Variants in MDN1 observed in about 807,000 individuals in gnomAD.
MDN1 encodes midasin.
In MDN1, 266 loss-of-function variants were observed where a neutral mutation model predicts 669.2. That is an observed-to-expected ratio of 0.40 (90% confidence interval 0.36 to 0.44). The LOEUF (loss-of-function observed/expected upper bound fraction) is 0.44. Among genes scored for constraint, MDN1 ranks in the 20% least tolerant of loss-of-function variants. The pLI, the probability that MDN1 is intolerant of heterozygous loss-of-function variation, is 1.00. For missense variants in MDN1, 5,940 were observed against 6,754.0 expected (o/e 0.88, Z 4.22); for synonymous variants, 2,385 against 2,457.1 (o/e 0.97, Z 0.87).
At chr6:89,807,855 C>G (rs181995364) in intron 1 of MDN1, among the ~76,000 whole-genome samples, 47 of 152,180 alleles carry the variant, frequency 3.1e-4, no homozygotes, top group Admixed American at 2.8e-3. Context: ...TCAATGAGGC[C>G]TATCCAGTAA....
intron 59 of MDN1, among the ~76,000 whole-genome samples, chr6:89,697,584 ATT>A (rs778362344): frequency 1.1e-4 from 16 of 142,368 alleles, no homozygotes; most frequent in Admixed American, 2.1e-4. Context: ...GAACAACCCT[ATT>A]TTTTTTTTTT....
intron 87 of MDN1, among the ~76,000 whole-genome samples, chr6:89,661,852 T>C (rs1449119164): frequency 6.6e-6 from 1 of 152,158 alleles, no homozygotes; most frequent in Non-Finnish European, 1.5e-5. Context: ...GGATCACAGG[T>C]TTTAGCTTCT....
rs568770733 is a variant in MDN1 at position 89,667,765 on chromosome 6, TA to T, written c.14094+248del. 5.6e-4 allele frequency among the ~76,000 whole-genome samples: 82 copies of T among 146,730 alleles called. 1 individual carries two copies. Among genetic ancestry groups the T allele is most frequent in the South Asian group, 4.7e-3 (22 of 4,686 alleles). ...AATCATCAGTAAATATCTGCCCATT[TA>T]AAAAAAAAAAGTAAAAATCATTTCC... On this transcript the variant is annotated intron_variant, in intron 84 of 101. Coordinates refer to ENST00000369393, the MANE Select transcript of MDN1 (RefSeq NM_014611.3).
At position 89,690,688 on chromosome 6, in the gene MDN1, G is replaced by A. The variant is rs1390240446; in HGVS notation, c.10734C>T (p.Phe3578=). 4.3e-6 allele frequency: 7 copies of A among 1,614,094 alleles called. No homozygotes were observed. The highest frequency in any genetic ancestry group is 5.9e-6 in the Non-Finnish European group (7 of 1,179,996). Residue 3578 remains phenylalanine, a synonymous_variant, in exon 64 of 102, where the codon TTC becomes TTT. Coordinates refer to ENST00000369393, the MANE Select transcript of MDN1 (RefSeq NM_014611.3). ...ACTGCTCTACCTTTTCATGCAGGGG[G>A]AACTGTTTTCTGAACTCCCGTTCTT... is the stretch of plus-strand genomic sequence containing the variant. ...EEEEREFRKQ[F]PLHEKDFADI... is the part of the protein sequence containing the mutation.
intron 6 of MDN1, 52 bp from the exon 7 acceptor site, chr6:89,789,963 T>C: frequency 6.3e-7 from 1 of 1,596,916 alleles, no homozygotes; most frequent in African/African-American, 1.3e-5. Flanking sequence ...GTAGTGGCAA[T>C]GCTACATCCT....
chr6:89,650,363 T>C (rs1360193774), intron 96 of MDN1, among the ~76,000 whole-genome samples, 165 bp from the exon 97 acceptor site: 2 of 152,220 alleles, frequency 1.3e-5, no homozygotes, highest in African/African-American at 4.8e-5. Flanking sequence ...CTTCTTGACC[T>C]CTAGCCAGAA....
intron 56 of MDN1, 75 bp from the exon 57 acceptor site, chr6:89,700,369 A>AGTCACATAGCAGGT: frequency 8.6e-7 from 1 of 1,156,782 alleles, no homozygotes; most frequent in Non-Finnish European, 1.3e-6. Flanking sequence ...ACAACCTGCT[A>AGTCACATAGCAGGT]TGTGACTGCA....
chr6:89,716,727 A>T lies in MDN1; in HGVS notation c.6666T>A (p.Phe2222Leu). The change falls in exon 44 of 102, where the codon TTT (phenylalanine) becomes TTA (leucine). Residue 2222 changes from phenylalanine (F) to leucine (L), a missense_variant. Physicochemically the swap from Phe to Leu is conservative, Grantham distance 22. Coordinates refer to ENST00000369393, the MANE Select transcript of MDN1 (RefSeq NM_014611.3). The part of the protein sequence containing the change: ...QLASGHSHGT[F>L]EWVDSMLVQA... Reference sequence around the variant, plus strand: ...GAACCAACATGCTGTCAACCCATTCAAATGTGCCATGGCTATGGCCACTGG... The same window carrying T: ...GAACCAACATGCTGTCAACCCATTCTAATGTGCCATGGCTATGGCCACTGG... The T allele has an allele frequency of 6.2e-7, 1 of 1,614,094 alleles. No individual in the cohort carries two copies. The highest frequency in any genetic ancestry group is 8.5e-7 in the Non-Finnish European group (1 of 1,179,952).
rs1808306401 is a variant in MDN1 at position 89,643,809 on chromosome 6, T to C, written c.*196A>G. 4.2e-6 allele frequency: 2 copies of C among 478,844 alleles called. No individual in the cohort carries two copies. Among genetic ancestry groups the C allele is most frequent in the African/African-American group, 4.0e-5 (2 of 50,422 alleles). The allele number at this position is 478,844 out of a possible 1,614,324, so 29.7% of individuals were successfully genotyped here. Reference sequence around the variant, plus strand: ...AGTTACGAGTTCAGGCACCTGCTGCTGCTTCCAGGTTTGGTATAAAAACCT... The same window carrying C: ...AGTTACGAGTTCAGGCACCTGCTGCCGCTTCCAGGTTTGGTATAAAAACCT... On this transcript the variant is annotated 3_prime_UTR_variant, in exon 102 of 102. Transcript: ENST00000369393.
At chr6:89,717,729 A>G (rs1239360320) in intron 43 of MDN1, among the ~76,000 whole-genome samples, 1 of 152,246 alleles carries the variant, frequency 6.6e-6, no homozygotes, top group Admixed American at 6.5e-5. Flanking sequence ...GCCCACCGCC[A>G]CAGATAAAAT....
chr6:89,675,369 A>G, intron 78 of MDN1, 95 bp downstream of exon 78: 3 of 991,726 alleles, frequency 3.0e-6, no homozygotes, highest in South Asian at 3.1e-5. Context: ...AATTGAGAGC[A>G]TGTCTTATTC....
chr6:89,792,477 T>C (rs1241943967), intron 5 of MDN1, among the ~76,000 whole-genome samples: 2 of 151,958 alleles, frequency 1.3e-5, no homozygotes, highest in Admixed American at 6.6e-5. Context: ...CTAAACATAA[T>C]CTAGGTTGGG....
intron 15 of MDN1, among the ~76,000 whole-genome samples, chr6:89,766,069 C>T (rs375514074): frequency 4.9e-4 from 75 of 152,220 alleles, no homozygotes; most frequent in South Asian, 2.7e-3. Flanking sequence ...CTGAGGCAGG[C>T]GAATGCCTTG....
rs1312096387 is a variant in MDN1, at chr6:89,658,650, C to T, written c.14981G>A (p.Gly4994Asp). 2 of 1,612,964 alleles carry T rather than the reference C, an allele frequency of 1.2e-6. No individual in the cohort carries two copies. The highest frequency in any genetic ancestry group is 8.5e-7 in the Non-Finnish European group (1 of 1,179,040). Residue 4994 changes from glycine to aspartate, a missense_variant, in exon 89 of 102, where the codon GGT (glycine) becomes GAT (aspartate). Gly to Asp is a moderately conservative substitution (Grantham distance 94, BLOSUM62 -1). Coordinates refer to ENST00000369393, the MANE Select transcript of MDN1 (RefSeq NM_014611.3). ...EEKDKEADEE[G>D]GENGPADQGF... Reference sequence around the variant, plus strand: ...TTGGTCAGCAGGGCCATTCTCTCCACCTTCTTCATCGGCTTCCTTGTCTTT... The same window carrying T: ...TTGGTCAGCAGGGCCATTCTCTCCATCTTCTTCATCGGCTTCCTTGTCTTT...
chr6:89,756,521 G>GAT, intron 19 of MDN1, 131 bp from the exon 20 acceptor site: 1 of 517,198 alleles, frequency 1.9e-6, no homozygotes, highest in Non-Finnish European at 3.4e-6. Context: ...CTTTCAACCT[G>GAT]ATATAGAAAC....
chr6:89,801,069 C>T (rs1470149234), intron 2 of MDN1, among the ~76,000 whole-genome samples: 1 of 152,314 alleles, frequency 6.6e-6, no homozygotes, highest in Middle Eastern at 3.4e-3. Flanking sequence ...ATAGGTAAAA[C>T]TTAGAAATAA....
In MDN1 at chr6:89,758,850, A is replaced by C. The variant is rs771649034; in HGVS notation, c.2571T>G (p.Ser857=). The change falls in exon 18 of 102, where the codon TCT becomes TCG. Residue 857 remains serine, a synonymous_variant. Transcript: ENST00000369393. ...CTCGATCCAGCAACACCAGGGATCC[A>C]GAAGATCCTTCAAGCAAACCACTCA... ...ECLSGLLEGS[S]GSLVLLDRGD... is the part of the protein sequence containing the mutation. 3.1e-6 allele frequency: 5 copies of C among 1,614,086 alleles called. No individual in the cohort carries two copies. The highest frequency in any genetic ancestry group is 4.2e-6 in the Non-Finnish European group (5 of 1,180,036).
chr6:89,783,063 T>C (rs928099403), intron 9 of MDN1, among the ~76,000 whole-genome samples: 2 of 152,098 alleles, frequency 1.3e-5, no homozygotes, highest in Non-Finnish European at 2.9e-5. Context: ...ATGAAATCAG[T>C]GCACCTTGAA....
Position 89,664,641 on chromosome 6 carries a change from G to A in MDN1, c.14095-13C>T, listed in dbSNP as rs772117528. 5.0e-6 allele frequency: 8 copies of A among 1,588,698 alleles called. No individual in the cohort carries two copies. In the East Asian group the frequency reaches 9.0e-5, roughly 18 times the overall value. ...ATGTATCTTCCACCTACATAAAGAA[G>A]TATTAAACATAAATAAATGAAACTT... On this transcript the variant is annotated splice_polypyrimidine_tract_variant and intron_variant, in intron 84 of 101. Coordinates refer to ENST00000369393, the MANE Select transcript of MDN1 (RefSeq NM_014611.3).
Sources: allele counts gnomAD v4.1 joint callset (sites outside exome capture counted in the v4.1 genomes callset), GRCh38; gene constraint gnomAD v4.1.1; transcripts MANE v1.5; gene names NCBI Gene and HGNC (gene_info 2026-07-23, HGNC 2026-07-21).